VTCN1: variants seen among roughly 807,000 people sequenced by gnomAD.
VTCN1 encodes the protein V-set domain-containing T-cell activation inhibitor 1.
VTCN1 carries 26 observed loss-of-function variants against 26.5 expected under a neutral mutation model. The observed-to-expected ratio is 0.98, with a 90% CI of 0.72 to 1.36. The LOEUF (loss-of-function observed/expected upper bound fraction) is 1.36. VTCN1 is among the 40% of genes most tolerant of loss of function. VTCN1 has a pLI of 0.00. For missense variants in VTCN1, 298 were observed against 337.7 expected, an observed-to-expected ratio of 0.88 and a Z score of 0.92; for synonymous variants, 116 against 130.7, an observed-to-expected ratio of 0.89 and a Z score of 0.77.
intron 2 of VTCN1, among the ~76,000 whole-genome samples, chr1:117,160,400 C>T (rs1036528038): frequency 5.9e-5 from 9 of 152,336 alleles, no homozygotes; most frequent in Middle Eastern, 3.4e-3. Context: ...CTTTCATCTT[C>T]GCCTCCATCC....
intron 1 of VTCN1, among the ~76,000 whole-genome samples, chr1:117,191,190 C>T (rs1409075041): frequency 1.3e-5 from 2 of 152,132 alleles, no homozygotes; most frequent in Non-Finnish European, 2.9e-5. Flanking sequence ...AATCAATGAA[C>T]TTAAATACAG....
intron 2 of VTCN1, among the ~76,000 whole-genome samples, chr1:117,157,456 GA>G (rs1365249143): frequency 6.6e-6 from 1 of 152,044 alleles, no homozygotes; most frequent in African/African-American, 2.4e-5. Flanking sequence ...GGTGGCAAGA[GA>G]AAAATGAGAA....
At chr1:117,154,390 C>T (rs536153459) in intron 3 of VTCN1, among the ~76,000 whole-genome samples, 9 of 152,318 alleles carry the variant, frequency 5.9e-5, no homozygotes, top group African/African-American at 1.9e-4. Flanking sequence ...AATAATTTCA[C>T]GTGTACAGAA....
At chr1:117,164,934 T>A (rs1405679567) in intron 2 of VTCN1, among the ~76,000 whole-genome samples, 3 of 152,204 alleles carry the variant, frequency 2.0e-5, no homozygotes, top group Non-Finnish European at 4.4e-5. Context: ...GGGTTTTTAT[T>A]TAGAATTTGT....
rs984306768 is a variant in VTCN1, at chr1:117,167,229, A to T, written c.97+2878T>A. ...TGTACTGAAGTATACAAACATAAAA[A>T]TCCACACATCATAACTGTACAGCTT... On this transcript the variant is annotated intron_variant, in intron 2 of 5. Transcript: ENST00000369458. This position sits in a 1 kb window ranked among gnomAD's most constrained non-coding sequence, Gnocchi z 4.1. Among the ~76,000 whole-genome samples the T allele has an allele frequency of 2.0e-5, 3 of 152,188 alleles. No individual in the cohort carries two copies. Among genetic ancestry groups the T allele is most frequent in the Admixed American group, 1.3e-4 (2 of 15,278 alleles).
intron 3 of VTCN1, among the ~76,000 whole-genome samples, chr1:117,154,799 A>G (rs984616886): frequency 2.6e-5 from 4 of 151,442 alleles, no homozygotes; most frequent in East Asian, 3.9e-4. Context: ...AAAAAAAAAA[A>G]AAAAGAAAGA....
At chr1:117,192,917 A>G (rs1489746728) in intron 1 of VTCN1, among the ~76,000 whole-genome samples, 1 of 152,212 alleles carries the variant, frequency 6.6e-6, no homozygotes, top group Non-Finnish European at 1.5e-5. Context: ...AGCCATTAGT[A>G]TTCATGGGTT....
intron 1 of VTCN1, among the ~76,000 whole-genome samples, chr1:117,178,281 G>C (rs1222158084): frequency 6.9e-6 from 1 of 144,684 alleles, no homozygotes; most frequent in African/African-American, 2.6e-5. Flanking sequence ...TTTTGAGATG[G>C]AGTCTCTCTC....
At chr1:117,192,466 G>A (rs574784978) in intron 1 of VTCN1, among the ~76,000 whole-genome samples, 76 of 152,162 alleles carry the variant, frequency 5.0e-4, no homozygotes, top group Non-Finnish European at 8.8e-4. Flanking sequence ...AAAATTCACT[G>A]GAAAAAGTAA....
chr1:117,153,684 A>G (rs1271922472), intron 3 of VTCN1, among the ~76,000 whole-genome samples: 3 of 152,202 alleles, frequency 2.0e-5, no homozygotes, highest in Non-Finnish European at 4.4e-5. Context: ...GTGGTCATAA[A>G]AAAGCCTATC....
Position 117,164,361 on chromosome 1 carries a change from T to TG in VTCN1, c.97+5745dup, listed in dbSNP as rs201164015. On this transcript the variant is annotated intron_variant, in intron 2 of 5. Transcript: ENST00000369458. ...CAGCTTCCCAGTTCTGGCAGGGGGG[T>TG]GGGGTTGCGGGGGCGATACGGGACA... is the stretch of plus-strand genomic sequence containing the variant. Among the ~76,000 whole-genome samples the TG allele has an allele frequency of 9.2e-3, 1,366 of 148,822 alleles. 17 individuals are homozygous for TG. The highest frequency in any genetic ancestry group is 0.032 in the African/African-American group (1,289 of 40,252).
intron 4 of VTCN1, among the ~76,000 whole-genome samples, chr1:117,149,480 C>T (rs1651682747): frequency 6.6e-6 from 1 of 152,024 alleles, no homozygotes; most frequent in Admixed American, 6.6e-5. Flanking sequence ...CCAGTTAATA[C>T]TCTCATAATT....
At chr1:117,149,200 T>A (rs954670593) in intron 4 of VTCN1, among the ~76,000 whole-genome samples, 1 of 152,016 alleles carries the variant, frequency 6.6e-6, no homozygotes, top group Non-Finnish European at 1.5e-5. Flanking sequence ...GCACTGGGCA[T>A]CTCTACCTGG....
At chr1:117,153,711 A>C (rs1446118848) in intron 3 of VTCN1, among the ~76,000 whole-genome samples, 1 of 152,160 alleles carries the variant, frequency 6.6e-6, no homozygotes, top group East Asian at 1.9e-4. Flanking sequence ...GGAATTAGGC[A>C]TTTTCCTAGG....
At chr1:117,189,302 T>C (rs1648120957) in intron 1 of VTCN1, among the ~76,000 whole-genome samples, 1 of 152,178 alleles carries the variant, frequency 6.6e-6, no homozygotes, top group African/African-American at 2.4e-5. Context: ...CTGCCCTTTC[T>C]CTCATTTCCT....
At chr1:117,172,272 G>A in intron 1 of VTCN1, 5 of 498,128 alleles carry the variant, frequency 1.0e-5, no homozygotes, top group Non-Finnish European at 2.0e-5. Flanking sequence ...CCACCAGACA[G>A]AAACAACAGT....
chr1:117,152,212 A>T (rs1651838240), intron 4 of VTCN1, among the ~76,000 whole-genome samples: 1 of 152,200 alleles, frequency 6.6e-6, no homozygotes, highest in Non-Finnish European at 1.5e-5. Flanking sequence ...AGTTGTAGAT[A>T]ATTTTGGGTT....
chr1:117,153,467 T>G, intron 3 of VTCN1, 98 bp from the exon 4 acceptor site: 8 of 1,373,072 alleles, frequency 5.8e-6, no homozygotes, highest in Non-Finnish European at 7.8e-6. Context: ...AGTCATTTTT[T>G]TTTTTTTTTT....
intron 4 of VTCN1, among the ~76,000 whole-genome samples, chr1:117,149,917 G>A (rs918804213): frequency 1.3e-5 from 2 of 152,182 alleles, no homozygotes; most frequent in Non-Finnish European, 2.9e-5. Flanking sequence ...ATCCTAGCCT[G>A]ACACTTCGAA....
Sources: allele counts gnomAD v4.1 joint callset (sites outside exome capture counted in the v4.1 genomes callset), GRCh38; gene constraint gnomAD v4.1.1; non-coding constraint Gnocchi (gnomAD v3.1); transcripts MANE v1.5; gene names NCBI Gene and HGNC (gene_info 2026-07-23, HGNC 2026-07-21).